Variants in KRT10 observed in about 807,000 individuals in gnomAD.
The protein encoded by KRT10 is keratin 10.
KRT10 carries 40 observed loss-of-function variants against 59.2 expected under a neutral mutation model. The ratio of observed to expected loss-of-function variants is 0.68; its 90% confidence interval spans 0.52 to 0.88. The LOEUF (loss-of-function observed/expected upper bound fraction) is 0.88, where lower values mean the gene tolerates loss of function less well. Ranked by LOEUF, KRT10 falls within the 40% of genes least tolerant of loss-of-function variation. The pLI is 0.00. For synonymous variants in KRT10, 336 were observed against 310.7 expected, an observed-to-expected ratio of 1.08 and a Z score of -0.86; for missense variants, 719 against 749.1, an observed-to-expected ratio of 0.96 and a Z score of 0.47.
In KRT10 at chr17:40,821,981, G is replaced by A; in HGVS notation, c.605C>T (p.Thr202Ile). 1 of 1,614,094 alleles carries A rather than the reference G, an allele frequency of 6.2e-7. No individual in the cohort carries two copies. Among genetic ancestry groups the A allele is most frequent in the Non-Finnish European group, 8.5e-7 (1 of 1,179,984 alleles). The change falls in exon 1 of 8, where the codon ACC becomes ATC. Residue 202 changes from threonine to isoleucine, a missense_variant. By Grantham distance (89) the Thr-to-Ile change is moderately conservative. This residue lies in a region of KRT10 where 221 missense variants were observed against 277.8 expected (regional missense o/e 0.80). Transcript: ENST00000269576. ...EPRDYSKYYKTIDDLKNQILN... is the reference protein window; with the variant it reads ...EPRDYSKYYKIIDDLKNQILN... ...TACCTGATTTTTAAGGTCATCGATG[G>A]TTTTGTAGTATTTGCTGTAGTCACG...
Position 40,818,811 on chromosome 17 carries a change from C to A in KRT10, c.1724G>T (p.Gly575Val), listed in dbSNP as rs199785115. 2,178 of 1,598,260 alleles carry A rather than the reference C, an allele frequency of 1.4e-3. 8 individuals carry two copies. The highest frequency in any genetic ancestry group is 3.7e-3 in the Admixed American group (225 of 60,006). The change falls in exon 7 of 8, where the codon GGC becomes GTC. Residue 575 changes from glycine to valine, a missense_variant. By Grantham distance (109) the Gly-to-Val change is moderately radical. This residue lies in a region of KRT10 where 315 missense variants were observed against 270.6 expected (regional missense o/e 1.16). Transcript: ENST00000269576. The part of the protein sequence containing the change: ...GHKSSSSGSV[G>V]ESSSKGPRY ...CCTTGGTCCCTTAGATGAAGACTCG[C>A]CCACGGACCCGGAAGAGGAGGACTT...
At chr17:40,820,958 G>T in intron 2 of KRT10, 77 bp downstream of exon 2, 1 of 1,144,310 alleles carries the variant, frequency 8.7e-7, no homozygotes, top group Non-Finnish European at 1.3e-6. Context: ...AAATGTTATT[G>T]AGGGCATCCC....
chr17:40,822,363 C>T lies in KRT10; in HGVS notation c.223G>A (p.Gly75Arg). The T allele has an allele frequency of 1.2e-6, 2 of 1,607,068 alleles. No individual in the cohort carries two copies. Among genetic ancestry groups the T allele is most frequent in the Non-Finnish European group, 8.5e-7 (1 of 1,175,918 alleles). The change falls in exon 1 of 8, where the codon GGA (glycine) becomes AGA (arginine). Residue 75 changes from glycine to arginine, a missense_variant. This residue lies in a region of KRT10 where 176 missense variants were observed against 175.7 expected (regional missense o/e 1.00). Coordinates refer to ENST00000269576, the MANE Select transcript of KRT10 (RefSeq NM_000421.5). ...GCFGGSSGGY[G>R]GLGGFGGGSF... ...CCTCCACCAAAACCTCCTAATCCTC[C>T]ATAGCCACCTGATGAGCCCCCAAAG...
At chr17:40,819,445 G>A (rs1395907926) in intron 6 of KRT10, 72 bp downstream of exon 6, 20 of 1,437,168 alleles carry the variant, frequency 1.4e-5, no homozygotes, top group Non-Finnish European at 2.0e-5. Context: ...ATCTTCTTGG[G>A]GTTTAGATAA....
At position 40,818,850 on chromosome 17, in the gene KRT10, G is replaced by A; in HGVS notation, c.1685C>T (p.Ser562Phe). The change falls in exon 7 of 8, where the codon TCC (serine) becomes TTC (phenylalanine). Residue 562 changes from serine to phenylalanine, a missense_variant. Ser to Phe is a radical substitution (Grantham distance 155). This residue lies in a region of KRT10 where 315 missense variants were observed against 270.6 expected (regional missense o/e 1.16). Coordinates refer to ENST00000269576, the MANE Select transcript of KRT10 (RefSeq NM_000421.5). ...AGAGGAGGACTTGTGGCCTCCGCTGGAGCTGCCGCCGCCGTATCCGCCGCC... is the reference window on the plus strand; with the variant it reads ...AGAGGAGGACTTGTGGCCTCCGCTGAAGCTGCCGCCGCCGTATCCGCCGCC... ...SSGGGYGGGS[S>F]SGGHKSSSSG... 2.6e-6 allele frequency: 3 copies of A among 1,170,062 alleles called. No homozygotes were observed. Among genetic ancestry groups the A allele is most frequent in the Non-Finnish European group, 3.4e-6 (3 of 887,774 alleles). The allele number at this position is 1,170,062 out of a possible 1,614,324, so 72.5% of individuals were successfully genotyped here.
rs142767279 is a variant in KRT10 at position 40,822,012 on chromosome 17, C to T, written c.574G>A (p.Glu192Lys). Reference protein sequence around the residue: ...YEKHGNSHQGEPRDYSKYYKT... With the variant: ...YEKHGNSHQGKPRDYSKYYKT... ...TAGTATTTGCTGTAGTCACGAGGCT[C>T]CCCCTGATGTGAGTTGCCATGCTTT... The change falls in exon 1 of 8, where the codon GAG (glutamate) becomes AAG (lysine). Residue 192 changes from glutamate to lysine, a missense_variant. This residue lies in a region of KRT10 where 221 missense variants were observed against 277.8 expected (regional missense o/e 0.80). Coordinates refer to ENST00000269576, the MANE Select transcript of KRT10 (RefSeq NM_000421.5). 4.3e-6 allele frequency: 7 copies of T among 1,614,068 alleles called. No individual in the cohort carries two copies. The African/African-American group carries it at 6.7e-5, about 15-fold the overall frequency.
intron 7 of KRT10, 140 bp from the exon 8 acceptor site, chr17:40,818,622 A>G (rs1401368689): frequency 7.6e-7 from 1 of 1,311,332 alleles, no homozygotes; most frequent in Non-Finnish European, 1.1e-6. Flanking sequence ...CATTTTGATC[A>G]TGCCATTTTT....
chr17:40,820,447 A>T, intron 3 of KRT10, 24 bp from the exon 4 acceptor site: 3 of 1,614,184 alleles, frequency 1.9e-6, no homozygotes, highest in Non-Finnish European at 2.5e-6. Flanking sequence ...AGAAAGATTT[A>T]TTGGCTACAC....
In KRT10 at chr17:40,818,477, T is replaced by C; in HGVS notation, c.1754A>G (p.Ter585=). Residue 585 remains the stop codon, a stop_retained_variant, in exon 8 of 8, where the codon TAA becomes TGA. Coordinates refer to ENST00000269576, the MANE Select transcript of KRT10 (RefSeq NM_000421.5). The stretch of plus-strand genomic sequence containing the variant: ...ATTGTCTTGATTACTCTGGTTTTGT[T>C]AGTATCTGTGTGAATGATGGAAAAA... ...GESSSKGPRY[*] is the part of the protein sequence containing the mutation. 6.2e-7 allele frequency: 1 copy of C among 1,607,472 alleles called. No individual in the cohort carries two copies. Among genetic ancestry groups the C allele is most frequent in the South Asian group, 1.1e-5 (1 of 90,932 alleles).
At position 40,822,498 on chromosome 17, in the gene KRT10, CTCCTCCTCCTCCACA is replaced by C. The variant is rs1905485814; in HGVS notation, c.73_87del (p.Cys25_Gly29del). The stretch of plus-strand genomic sequence containing the variant: ...CTAGAAATTCTTAGGGATGACACTC[CTCCTCCTCCTCCACA>C]TCCTCCTCCTCCTCCTCCTCCTCCA... On this transcript the variant is annotated inframe_deletion, in exon 1 of 8. Transcript: ENST00000269576. The C allele has an allele frequency of 2.5e-6, 4 of 1,612,760 alleles. No individual in the cohort carries two copies. Among genetic ancestry groups the C allele is most frequent in the East Asian group, 4.5e-5 (2 of 44,866 alleles).
rs1357444952 is a variant in KRT10 at position 40,819,684 on chromosome 17, C to T, written c.1206G>A (p.Val402=). 1.2e-5 allele frequency: 19 copies of T among 1,614,110 alleles called. No individual in the cohort carries two copies. Among genetic ancestry groups the T allele is most frequent in the Admixed American group, 1.7e-5 (1 of 60,014 alleles). The change falls in exon 6 of 8, where the codon GTG becomes GTA. Residue 402 remains valine, a synonymous_variant. Transcript: ENST00000269576. ...SLAETEGRYC[V]QLSQIQAQIS... ...TCTGGGCCTGAATCTGTGAGAGCTGCACACAGTAGCGACCTTCTGTTTCTG... is the reference window on the plus strand; with the variant it reads ...TCTGGGCCTGAATCTGTGAGAGCTGTACACAGTAGCGACCTTCTGTTTCTG...
chr17:40,820,257 T>G lies in KRT10; in HGVS notation c.1029+5A>C. On this transcript the variant is annotated splice_donor_5th_base_variant and intron_variant, in intron 4 of 7. Transcript: ENST00000269576. Reference sequence around the variant, plus strand: ...TGAGTTTCACTATAAGGAAGATTACTTTACCTTTTCATTGAACCAGGCTTC... The same window carrying G: ...TGAGTTTCACTATAAGGAAGATTACGTTACCTTTTCATTGAACCAGGCTTC... 1 of 1,614,142 alleles carries G rather than the reference T, an allele frequency of 6.2e-7. No homozygotes were observed. Among genetic ancestry groups the G allele is most frequent in the South Asian group, 1.1e-5 (1 of 91,036 alleles).
Position 40,822,530 on chromosome 17 carries a change from C to A in KRT10, c.56G>T (p.Gly19Val). The change falls in exon 1 of 8, where the codon GGA becomes GTA. Residue 19 changes from glycine to valine, a missense_variant. By Grantham distance (109) the Gly-to-Val change is moderately radical. This residue lies in a region of KRT10 where 176 missense variants were observed against 175.7 expected (regional missense o/e 1.00). Coordinates refer to ENST00000269576, the MANE Select transcript of KRT10 (RefSeq NM_000421.5). ...TCCTCCACATCCTCCTCCTCCTCCT[C>A]CTCCTCCACTGCGGGAGGAAGAGTA... is the stretch of plus-strand genomic sequence containing the variant. ...KHYSSSRSGG[G>V]GGGGGCGGGG... 6.2e-7 allele frequency: 1 copy of A among 1,609,508 alleles called. No individual in the cohort carries two copies.
In KRT10 at chr17:40,820,667, C is replaced by A; in HGVS notation, c.711G>T (p.Lys237Asn). ...GGCGCAGAGCTACCTCATTCTCATA[C>A]CTGAAACAAGCATGATATCAATACT... ...ARLAADDFRLKYENEVALRQS... is the reference protein window; with the variant it reads ...ARLAADDFRLNYENEVALRQS... Residue 237 changes from lysine (K) to asparagine (N), a missense_variant and splice_region_variant, in exon 3 of 8, where the codon AAG becomes AAT. By Grantham distance (94) the Lys-to-Asn change is moderately conservative. Transcript: ENST00000269576. The A allele has an allele frequency of 1.9e-6, 3 of 1,614,120 alleles. No homozygotes were observed. Among genetic ancestry groups the A allele is most frequent in the Non-Finnish European group, 2.5e-6 (3 of 1,180,026 alleles).
chr17:40,819,290 T>A (rs1004508387), intron 6 of KRT10, 129 bp from the exon 7 acceptor site: 29 of 1,522,910 alleles, frequency 1.9e-5, no homozygotes, highest in Non-Finnish European at 2.5e-5. Flanking sequence ...GTATATATTT[T>A]AAAACCCATC....
rs756695109 is a variant in KRT10, at chr17:40,820,602, A to G, written c.776T>C (p.Leu259Pro). ...EADINGLRRV[L>P]DELTLTKADL... ...AGCCTTGGTCAGGGTCAGCTCATCC[A>G]GCACCCTACGCAGGCCGTTGATGTC... The change falls in exon 3 of 8, where the codon CTG (leucine) becomes CCG (proline). Residue 259 changes from leucine (L) to proline (P), a missense_variant. Transcript: ENST00000269576. The G allele has an allele frequency of 1.2e-6, 2 of 1,614,244 alleles. No homozygotes were observed. Among genetic ancestry groups the G allele is most frequent in the South Asian group, 2.2e-5 (2 of 91,090 alleles).
chr17:40,820,014 A>G lies in KRT10; in HGVS notation c.1155+35T>C, dbSNP rs367672318. On this transcript the variant is annotated intron_variant, in intron 5 of 7. Transcript: ENST00000269576. ...TTAGGTGAGCATGAAACTTTGTATG[A>G]TAAAGTTGAAGTCATTTCATGAGAG... 2.7e-5 allele frequency: 44 copies of G among 1,610,968 alleles called. No homozygotes were observed. The African/African-American group carries it at 5.1e-4, about 19-fold the overall frequency.
rs1905459373 is a variant in KRT10, at chr17:40,822,284, A to AAAGC, written c.301_302insGCTT (p.Ile101SerfsTer47). On this transcript the variant is annotated frameshift_variant, in exon 1 of 8. Transcript: ENST00000269576. LOFTEE classifies it high-confidence loss of function. ...ACCTCCGAAACTGCCCCCTCCAAAG[A>AAAGC]TGCCTCCATAACTCCCACCAAAGCT... 6.2e-7 allele frequency: 1 copy of AAAGC among 1,606,516 alleles called. No individual in the cohort carries two copies. Among genetic ancestry groups the AAAGC allele is most frequent in the Admixed American group, 1.7e-5 (1 of 59,102 alleles).
intron 7 of KRT10, 51 bp from the exon 8 acceptor site, chr17:40,818,533 T>A (rs751362318): frequency 1.9e-5 from 25 of 1,308,066 alleles, no homozygotes; most frequent in Non-Finnish European, 2.4e-5. Context: ...GGATCCTTAG[T>A]AATTAACAAG....
Sources: gnomAD v4.1 joint callset for allele counts on GRCh38, gnomAD v4.1.1 for gene constraint, gnomAD v4.1.1 regional missense constraint, MANE v1.5 for transcripts, NCBI Gene and HGNC (gene_info 2026-07-23, HGNC 2026-07-21) for gene names.